Variants in LRRC7 observed in about 807,000 individuals in gnomAD.
The protein encoded by LRRC7 is leucine rich repeat containing 7.
In LRRC7, 23 loss-of-function variants were observed where a neutral mutation model predicts 175.7. The observed-to-expected ratio is 0.13, with a 90% CI of 0.09 to 0.19. The LOEUF is 0.19. LRRC7 is among the 10% of genes least tolerant of loss of function. The pLI is 1.00. For synonymous variants in LRRC7, 685 were observed against 680.9 expected (o/e 1.01, Z -0.09); for missense variants, 1,354 against 1,904.7 (o/e 0.71, Z 5.38).
At chr1:69,837,803 T>C (rs1257481538) in intron 6 of LRRC7, among the ~76,000 whole-genome samples, 1 of 151,682 alleles carries the variant, frequency 6.6e-6, no homozygotes, top group Non-Finnish European at 1.5e-5. Flanking sequence ...TGCCCAGTAT[T>C]GATGTAACCC....
At chr1:69,877,042 C>T (rs1686104413) in intron 7 of LRRC7, among the ~76,000 whole-genome samples, 1 of 152,004 alleles carries the variant, frequency 6.6e-6, no homozygotes, top group African/African-American at 2.4e-5. Flanking sequence ...ATGAGTGTTA[C>T]TCATAGAGAA....
rs1657334003 is a variant in LRRC7 at position 70,020,164 on chromosome 1, AAAT to A, written c.1421-840_1421-838del. ...TTGGTTTTCCAGGCAGGAGTGTAATAAATGAGTTTTCAGAATCCCTTGTAACAA... is the reference window on the plus strand; with the variant it reads ...TTGGTTTTCCAGGCAGGAGTGTAATAGAGTTTTCAGAATCCCTTGTAACAA... On this transcript the variant is annotated intron_variant, in intron 15 of 26. Coordinates refer to ENST00000651989, the MANE Select transcript of LRRC7 (RefSeq NM_001370785.2). Among the ~76,000 whole-genome samples the A allele has an allele frequency of 5.9e-5, 9 of 152,146 alleles. No individual in the cohort carries two copies. The South Asian group carries it at 1.9e-3, about 32-fold the overall frequency.
intron 2 of LRRC7, among the ~76,000 whole-genome samples, chr1:69,719,412 C>T (rs558648587): frequency 2.6e-4 from 40 of 151,682 alleles, no homozygotes; most frequent in African/African-American, 9.4e-4. Context: ...CATCTACTTG[C>T]AGAAAATACA....
chr1:70,105,384 A>G (rs1163559385), intron 25 of LRRC7, among the ~76,000 whole-genome samples: 5 of 152,206 alleles, frequency 3.3e-5, no homozygotes, highest in African/African-American at 1.2e-4. Flanking sequence ...TAATCATTGT[A>G]GAAAAATAAG....
intron 4 of LRRC7, among the ~76,000 whole-genome samples, chr1:69,821,197 T>C (rs1679254103): frequency 6.6e-6 from 1 of 152,186 alleles, no homozygotes; most frequent in African/African-American, 2.4e-5. Flanking sequence ...CTTCTTATTC[T>C]GGGTTTTCTA....
chr1:69,936,035 C>T (rs1647982563), intron 8 of LRRC7, among the ~76,000 whole-genome samples: 1 of 152,062 alleles, frequency 6.6e-6, no homozygotes, highest in Admixed American at 6.6e-5. Flanking sequence ...GCTTTCCAAG[C>T]ACCATTTATT....
At chr1:69,876,535 G>A (rs1028916404) in intron 7 of LRRC7, among the ~76,000 whole-genome samples, 3 of 152,152 alleles carry the variant, frequency 2.0e-5, no homozygotes, top group African/African-American at 7.2e-5. Flanking sequence ...AGAACAGCAT[G>A]AGAATGTGGA....
chr1:70,037,698 A>G (rs1418793729), intron 20 of LRRC7, among the ~76,000 whole-genome samples: 2 of 152,234 alleles, frequency 1.3e-5, no homozygotes, highest in East Asian at 3.8e-4. Flanking sequence ...ATTATCAGTC[A>G]GGTTTCAAGA....
At chr1:69,582,519 T>G (rs987661386) in intron 1 of LRRC7, among the ~76,000 whole-genome samples, 2 of 152,160 alleles carry the variant, frequency 1.3e-5, no homozygotes, top group Non-Finnish European at 2.9e-5. Flanking sequence ...CATAGCATAT[T>G]TTAGGTCCAT....
chr1:69,735,629 T>C (rs900906022), intron 2 of LRRC7, among the ~76,000 whole-genome samples: 5 of 152,142 alleles, frequency 3.3e-5, no homozygotes, highest in African/African-American at 9.6e-5. Flanking sequence ...AGTGTGTGAA[T>C]ACCCTGACTC....
At chr1:70,075,601 G>GT (rs1242931861) in intron 23 of LRRC7, among the ~76,000 whole-genome samples, 1 of 152,078 alleles carries the variant, frequency 6.6e-6, no homozygotes, top group Non-Finnish European at 1.5e-5. Context: ...TTGAATAATG[G>GT]TGATAATTGA....
At chr1:69,835,453 T>C (rs1680994461) in intron 6 of LRRC7, among the ~76,000 whole-genome samples, 1 of 151,670 alleles carries the variant, frequency 6.6e-6, no homozygotes, top group Admixed American at 6.6e-5. Flanking sequence ...GGGGAACACA[T>C]AAAAAAAGTC....
chr1:69,849,768 TC>T (rs1248051972), intron 7 of LRRC7, among the ~76,000 whole-genome samples: 1 of 152,128 alleles, frequency 6.6e-6, no homozygotes, highest in East Asian at 1.9e-4. Flanking sequence ...TAAATATGAC[TC>T]CCAAGTTTGT....
At chr1:70,121,747 A>G (rs948010484) in intron 26 of LRRC7, 33 bp from the exon 27 acceptor site, 13 of 1,368,862 alleles carry the variant, frequency 9.5e-6, no homozygotes, top group African/African-American at 2.9e-5. Context: ...AATAGTTTAC[A>G]TTGATTGCCC....
intron 4 of LRRC7, among the ~76,000 whole-genome samples, chr1:69,801,031 T>C (rs1323997920): frequency 6.6e-6 from 1 of 151,946 alleles, no homozygotes; most frequent in Non-Finnish European, 1.5e-5. Context: ...TGTAATAAAT[T>C]GCATTTATTG....
Position 70,129,972 on chromosome 1 carries a change from T to A in LRRC7, c.*8085T>A, listed in dbSNP as rs1383122294. On this transcript the variant is annotated 3_prime_UTR_variant, in exon 27 of 27. Transcript: ENST00000651989. ...CACACTATCCCTCTACTGGAATGCCTTCCTCTCCCTATTCCCTTTCTAAAT... is the reference window on the plus strand; with the variant it reads ...CACACTATCCCTCTACTGGAATGCCATCCTCTCCCTATTCCCTTTCTAAAT... 6.6e-6 allele frequency among the ~76,000 whole-genome samples: 1 copy of A among 152,178 alleles called. No homozygotes were observed. Among genetic ancestry groups the A allele is most frequent in the Non-Finnish European group, 1.5e-5 (1 of 68,022 alleles).
chr1:69,603,505 A>C (rs1647165177), intron 1 of LRRC7, among the ~76,000 whole-genome samples: 1 of 152,186 alleles, frequency 6.6e-6, no homozygotes. Context: ...ATAAAGTGAT[A>C]ATTTCTACAT....
At chr1:69,706,797 T>C (rs1322886090) in intron 2 of LRRC7, among the ~76,000 whole-genome samples, 1 of 152,172 alleles carries the variant, frequency 6.6e-6, no homozygotes, top group African/African-American at 2.4e-5. Flanking sequence ...TCCCCACCAG[T>C]ATGGCCACAG....
At chr1:70,022,612 A>G (rs987121307) in intron 16 of LRRC7, among the ~76,000 whole-genome samples, 3 of 152,214 alleles carry the variant, frequency 2.0e-5, no homozygotes, top group African/African-American at 7.2e-5. Context: ...TAATGAAACA[A>G]TGTGTGTTTC....
Sources: allele counts gnomAD v4.1 joint callset (sites outside exome capture counted in the v4.1 genomes callset), GRCh38; gene constraint gnomAD v4.1.1; transcripts MANE v1.5; gene names NCBI Gene and HGNC (gene_info 2026-07-23, HGNC 2026-07-21).